Variants in ATXN1 observed in about 807,000 individuals in gnomAD.
ATXN1 encodes ataxin 1.
In ATXN1, 8 loss-of-function variants were observed where a neutral mutation model predicts 56.4. That is an observed-to-expected ratio of 0.14 (90% CI 0.08 to 0.26). The LOEUF (loss-of-function observed/expected upper bound fraction) is 0.26, where lower values mean the gene tolerates loss of function less well. Among genes scored for constraint, ATXN1 ranks in the 10% least tolerant of loss-of-function variants. ATXN1 has a pLI of 1.00. For synonymous variants in ATXN1, 514 were observed against 494.6 expected (o/e 1.04, Z -0.52); for missense variants, 987 against 1,106.5 (o/e 0.89, Z 1.53).
intron 6 of ATXN1, among the ~76,000 whole-genome samples, chr6:16,456,504 A>G (rs1181802772): frequency 6.6e-6 from 1 of 152,160 alleles, no homozygotes; most frequent in Non-Finnish European, 1.5e-5. Context: ...CTTTTCCTGC[A>G]CTTCCGGGCT....
chr6:16,351,003 G>A (rs1391247337), intron 6 of ATXN1, among the ~76,000 whole-genome samples: 1 of 152,182 alleles, frequency 6.6e-6, no homozygotes, highest in East Asian at 1.9e-4. Flanking sequence ...AGGATTGCTT[G>A]AGCCTAGCCT....
chr6:16,617,706 G>T (rs1763240296), intron 3 of ATXN1, among the ~76,000 whole-genome samples: 2 of 146,866 alleles, frequency 1.4e-5, no homozygotes, highest in South Asian at 2.1e-4. Context: ...GGCGGAGCTT[G>T]CAGTGAGCCG....
chr6:16,466,379 G>A (rs116064041), intron 6 of ATXN1, among the ~76,000 whole-genome samples: 3,503 of 145,736 alleles, frequency 0.024, 81 homozygotes, highest in African/African-American at 0.057. Flanking sequence ...GAACCCAAGA[G>A]GATAACTCTC....
rs1760208885 is a variant in ATXN1 at position 16,305,045 on chromosome 6, T to C, written c.*1284A>G. ...CATTGAAACTTTCAATATCTTGCTC[T>C]TCAGCAATTCTGCAGAGCTGAAATG... On this transcript the variant is annotated 3_prime_UTR_variant, in exon 8 of 8. Transcript: ENST00000436367. The C allele has an allele frequency of 6.5e-6, 1 of 152,674 alleles. No homozygotes were observed. The highest frequency in any genetic ancestry group is 2.4e-5 in the African/African-American group (1 of 41,454). 9.5% of individuals were successfully genotyped at this position (152,674 alleles called of 1,614,324 possible).
chr6:16,455,676 T>C (rs1256592591), intron 6 of ATXN1, among the ~76,000 whole-genome samples: 1 of 152,166 alleles, frequency 6.6e-6, no homozygotes, highest in Admixed American at 6.5e-5. Context: ...GGTACATCCA[T>C]ACAATAGAAT....
chr6:16,642,649 C>A (rs1325341225), intron 3 of ATXN1, among the ~76,000 whole-genome samples: 1 of 152,148 alleles, frequency 6.6e-6, no homozygotes, highest in African/African-American at 2.4e-5. Context: ...ATGTGGCAAA[C>A]GTCATTGTTG....
chr6:16,516,369 T>C (rs1430257341), intron 5 of ATXN1, among the ~76,000 whole-genome samples: 1 of 152,066 alleles, frequency 6.6e-6, no homozygotes, highest in Non-Finnish European at 1.5e-5. Flanking sequence ...ACGTTGGGAG[T>C]TATACAAAAA....
intron 4 of ATXN1, among the ~76,000 whole-genome samples, chr6:16,584,826 C>T (rs997340969): frequency 6.6e-6 from 1 of 152,016 alleles, no homozygotes; most frequent in African/African-American, 2.4e-5. Context: ...TACCAAAAGC[C>T]GTAAAACTTG....
chr6:16,674,517 T>TA (rs1758619007), intron 2 of ATXN1, among the ~76,000 whole-genome samples: 1 of 107,558 alleles, frequency 9.3e-6, no homozygotes, highest in Admixed American at 8.5e-5. Flanking sequence ...GCCCAGCTAA[T>TA]TTTTTTTTTT....
chr6:16,343,226 T>C (rs1447958864), intron 6 of ATXN1, among the ~76,000 whole-genome samples: 1 of 151,958 alleles, frequency 6.6e-6, no homozygotes, highest in East Asian at 1.9e-4. Context: ...GCACGTGTAG[T>C]CCCAGCTACT....
At chr6:16,752,431 C>G (rs1334167909) in intron 2 of ATXN1, among the ~76,000 whole-genome samples, 2 of 152,102 alleles carry the variant, frequency 1.3e-5, no homozygotes, top group African/African-American at 2.4e-5. Flanking sequence ...TTTTTAAGCT[C>G]TCCAGGTGAT....
intron 6 of ATXN1, among the ~76,000 whole-genome samples, chr6:16,416,190 C>G (rs1758902987): frequency 6.7e-6 from 1 of 150,364 alleles, no homozygotes; most frequent in South Asian, 2.1e-4. Context: ...AAAGTAATGT[C>G]TATGAATTGG....
At chr6:16,496,421 G>A (rs1419943243) in intron 5 of ATXN1, among the ~76,000 whole-genome samples, 1 of 152,182 alleles carries the variant, frequency 6.6e-6, no homozygotes, top group Non-Finnish European at 1.5e-5. Flanking sequence ...TTCTATGAAT[G>A]TGGCGCTGAA....
At chr6:16,608,383 A>G (rs527976801) in intron 3 of ATXN1, among the ~76,000 whole-genome samples, 7 of 152,340 alleles carry the variant, frequency 4.6e-5, no homozygotes, top group African/African-American at 1.7e-4. Flanking sequence ...CCCTCTGCCC[A>G]TGCACACTTG....
chr6:16,536,356 T>G (rs1761596658), intron 4 of ATXN1, among the ~76,000 whole-genome samples: 1 of 152,220 alleles, frequency 6.6e-6, no homozygotes, highest in Non-Finnish European at 1.5e-5. Flanking sequence ...CATGATGGAC[T>G]GCAGGATGGA....
At chr6:16,756,289 G>A (rs1381134467) in intron 1 of ATXN1, among the ~76,000 whole-genome samples, 1 of 151,934 alleles carries the variant, frequency 6.6e-6, no homozygotes, top group African/African-American at 2.4e-5. Context: ...AAAAAATTCT[G>A]TAAAACTGAC....
At chr6:16,425,877 C>G (rs1227686581) in intron 6 of ATXN1, among the ~76,000 whole-genome samples, 1 of 152,072 alleles carries the variant, frequency 6.6e-6, no homozygotes, top group African/African-American at 2.4e-5. Flanking sequence ...ACCCTCTGTT[C>G]CAGAACAAAC....
chr6:16,580,767 C>G (rs1374563424), intron 4 of ATXN1, among the ~76,000 whole-genome samples: 1 of 152,104 alleles, frequency 6.6e-6, no homozygotes, highest in Non-Finnish European at 1.5e-5. Flanking sequence ...ACATATAAAA[C>G]ACAATATACT....
intron 2 of ATXN1, among the ~76,000 whole-genome samples, chr6:16,665,632 G>T (rs1237163596): frequency 6.6e-6 from 1 of 152,188 alleles, no homozygotes; most frequent in African/African-American, 2.4e-5. Context: ...TAAAAGCACA[G>T]AACTCTAGGT....
Sources: allele counts gnomAD v4.1 joint callset (sites outside exome capture counted in the v4.1 genomes callset), GRCh38; gene constraint gnomAD v4.1.1; transcripts MANE v1.5; gene names NCBI Gene and HGNC (gene_info 2026-07-23, HGNC 2026-07-21).